The following ORC5 variants were observed in gnomAD, a reference collection of about 807,000 sequenced individuals.
The protein encoded by ORC5 is protein phosphatase 1, regulatory subunit 117.
ORC5 carries 39 observed loss-of-function variants against 58.8 expected under a neutral mutation model. The observed-to-expected ratio is 0.66, with a 90% CI of 0.51 to 0.87. The LOEUF (loss-of-function observed/expected upper bound fraction) is 0.87. ORC5 is among the 40% of genes least tolerant of loss of function. The probability of loss-of-function intolerance (pLI) is 0.00; values close to 1 mark genes in which losing one functional copy is unlikely to be tolerated. For missense variants in ORC5, 493 were observed against 506.3 expected (o/e 0.97, Z 0.25); for synonymous variants, 218 against 177.6 (o/e 1.23, Z -1.81).
chr7:104,193,691 CTTTT>C (rs1425634126), intron 5 of ORC5, among the ~76,000 whole-genome samples: 1 of 148,478 alleles, frequency 6.7e-6, no homozygotes, highest in Admixed American at 6.8e-5. Flanking sequence ...TTCTGAATGG[CTTTT>C]TGTCTGACTA....
At chr7:104,159,942 A>T (rs1798996305) in intron 12 of ORC5, among the ~76,000 whole-genome samples, 1 of 152,196 alleles carries the variant, frequency 6.6e-6, no homozygotes, top group African/African-American at 2.4e-5. Flanking sequence ...TTTCAGACAA[A>T]GCTTTTTTAG....
intron 8 of ORC5, among the ~76,000 whole-genome samples, chr7:104,181,801 A>G (rs1799439014): frequency 6.6e-6 from 1 of 151,598 alleles, no homozygotes; most frequent in African/African-American, 2.4e-5. Flanking sequence ...CAAAAAAAAA[A>G]AAAAAAAGAA....
At position 104,204,220 on chromosome 7, in the gene ORC5, G is replaced by A. The variant is rs746696962; in HGVS notation, c.87C>T (p.Ser29=). The part of the protein sequence containing the change: ...QSLFGERHHF[S]FPSIFIYGHT... ...GTCCATAAATAAAAATGGATGGAAA[G>A]CTGAAATGATGTCTCTAACGAGAGA... The change falls in exon 2 of 14, where the codon AGC becomes AGT. Residue 29 remains serine (S), a synonymous_variant. Transcript: ENST00000297431. The A allele has an allele frequency of 6.3e-7, 1 of 1,594,092 alleles. No individual in the cohort carries two copies. The highest frequency in any genetic ancestry group is 1.1e-5 in the South Asian group (1 of 87,294).
intron 12 of ORC5, among the ~76,000 whole-genome samples, chr7:104,142,302 G>A (rs921572740): frequency 1.3e-5 from 2 of 152,002 alleles, no homozygotes; most frequent in African/African-American, 2.4e-5. Flanking sequence ...GTAAACGTAG[G>A]GAAAAAAACT....
chr7:104,160,884 G>A lies in ORC5; in HGVS notation c.1149+188C>T, dbSNP rs117127116. 3.4e-3 allele frequency among the ~76,000 whole-genome samples: 516 copies of A among 152,190 alleles called. 1 individual carries two copies. The highest frequency in any genetic ancestry group is 0.01 in the Middle Eastern group (3 of 294). Reference sequence around the variant, plus strand: ...CATGAGGTTATACTTGTAAACATATGTAAATTTAGTGATACCCCCAAAGAT... The same window carrying A: ...CATGAGGTTATACTTGTAAACATATATAAATTTAGTGATACCCCCAAAGAT... On this transcript the variant is annotated intron_variant, in intron 12 of 13. Coordinates refer to ENST00000297431, the MANE Select transcript of ORC5 (RefSeq NM_002553.4).
intron 12 of ORC5, among the ~76,000 whole-genome samples, chr7:104,149,611 A>C (rs1385560751): frequency 6.6e-6 from 1 of 152,174 alleles, no homozygotes; most frequent in African/African-American, 2.4e-5. Context: ...CATGTTTTCC[A>C]CTGATGTTTT....
chr7:104,151,668 C>T (rs79908940), intron 12 of ORC5, among the ~76,000 whole-genome samples: 1 of 152,222 alleles, frequency 6.6e-6, no homozygotes, highest in Admixed American at 6.5e-5. Flanking sequence ...ACACCAGTGT[C>T]TGACATATAT....
chr7:104,126,961 G>T, intron 13 of ORC5, 68 bp from the exon 14 acceptor site: 1 of 1,104,584 alleles, frequency 9.1e-7, no homozygotes, highest in East Asian at 2.5e-5. Flanking sequence ...TATGATTCTG[G>T]AAAGCACATG....
rs746698932 is a variant in ORC5 at position 104,173,838 on chromosome 7, A to ATTT, written c.825-5316_825-5314dup. Among the ~76,000 whole-genome samples, 790 of 122,588 alleles carry ATTT rather than the reference A, an allele frequency of 6.4e-3. 41 individuals are homozygous for ATTT. The highest frequency in any genetic ancestry group is 0.043 in the East Asian group (189 of 4,414). The allele number at this position is 122,588 out of a possible 152,430, so 80.4% of individuals were successfully genotyped here. ...TTTAATCTGCATACCTGGGTTTAAAATTTTTTCTTTTTTTTTTTTTTTTTG... is the reference window on the plus strand; with the variant it reads ...TTTAATCTGCATACCTGGGTTTAAAATTTTTTTTTCTTTTTTTTTTTTTTTTTG... On this transcript the variant is annotated intron_variant, in intron 8 of 13. Transcript: ENST00000297431.
intron 3 of ORC5, among the ~76,000 whole-genome samples, chr7:104,198,912 T>C (rs1226554726): frequency 2.0e-5 from 3 of 152,194 alleles, no homozygotes; most frequent in African/African-American, 7.2e-5. Flanking sequence ...GCATCCCCAC[T>C]CATGGCTAAA....
intron 4 of ORC5, among the ~76,000 whole-genome samples, chr7:104,196,872 C>A (rs1799811537): frequency 6.6e-6 from 1 of 152,030 alleles, no homozygotes; most frequent in Non-Finnish European, 1.5e-5. Context: ...CAAACTAAAT[C>A]TTTATTCCCT....
chr7:104,191,393 CAACA>C (rs1160253410), intron 5 of ORC5, among the ~76,000 whole-genome samples: 2 of 151,898 alleles, frequency 1.3e-5, no homozygotes, highest in Non-Finnish European at 2.9e-5. Context: ...ACAACAACAA[CAACA>C]AACTTCTATA....
chr7:104,164,561 C>T (rs760626022), intron 11 of ORC5, among the ~76,000 whole-genome samples: 4 of 152,164 alleles, frequency 2.6e-5, no homozygotes, highest in Non-Finnish European at 4.4e-5. Context: ...ATAAGGGAAA[C>T]AAAACTTGCA....
chr7:104,200,618 T>C (rs1799915175), intron 3 of ORC5, 140 bp downstream of exon 3: 1 of 617,096 alleles, frequency 1.6e-6, no homozygotes, highest in Non-Finnish European at 2.9e-6. Flanking sequence ...AAGGAATATA[T>C]TTAATACATT....
rs36119974 is a variant in ORC5, at chr7:104,136,318, C to A, written c.1262+463G>T. The stretch of plus-strand genomic sequence containing the variant: ...TGAAAACTCTAAACACAGCACAGCA[C>A]ACTAGATTTGATCTGCCTGTGACAA... On this transcript the variant is annotated intron_variant, in intron 13 of 13. Coordinates refer to ENST00000297431, the MANE Select transcript of ORC5 (RefSeq NM_002553.4). The surrounding 1 kb of genome is among the most constrained non-coding windows in gnomAD (Gnocchi z 4.2). Among the ~76,000 whole-genome samples the A allele has an allele frequency of 0.051, 7,818 of 152,018 alleles. 261 individuals carry two copies. The highest frequency in any genetic ancestry group is 0.077 in the Non-Finnish European group (5,211 of 67,980).
At position 104,188,313 on chromosome 7, in the gene ORC5, T is replaced by C. The variant is rs768281861; in HGVS notation, c.622A>G (p.Ile208Val). The change falls in exon 6 of 14, where the codon ATT becomes GTT. Residue 208 changes from isoleucine to valine, a missense_variant. Coordinates refer to ENST00000297431, the MANE Select transcript of ORC5 (RefSeq NM_002553.4). The part of the protein sequence containing the change: ...EYSADFYAAY[I>V]NILLGVFYTV... ...TAGAAAACTCCAAGAAGAATGTTAA[T>C]GTAGGCAGCATAGAAATCAGCTGAA... The C allele has an allele frequency of 6.2e-6, 10 of 1,612,906 alleles. No homozygotes were observed. Among genetic ancestry groups the C allele is most frequent in the Admixed American group, 3.3e-5 (2 of 59,978 alleles).
At chr7:104,169,059 GC>G (rs1799160739) in intron 8 of ORC5, among the ~76,000 whole-genome samples, 1 of 152,110 alleles carries the variant, frequency 6.6e-6, no homozygotes, top group Non-Finnish European at 1.5e-5. Flanking sequence ...TCCAGCCTGG[GC>G]GAGAGTGAGC....
intron 9 of ORC5, among the ~76,000 whole-genome samples, chr7:104,167,841 C>T (rs1026378347): frequency 3.3e-5 from 5 of 152,260 alleles, no homozygotes; most frequent in Middle Eastern, 6.8e-3. Context: ...TGGCATCTAT[C>T]CCTTTTCCTA....
intron 5 of ORC5, among the ~76,000 whole-genome samples, chr7:104,191,866 C>T (rs1444592288): frequency 6.6e-6 from 1 of 152,110 alleles, no homozygotes; most frequent in East Asian, 1.9e-4. Context: ...AAAGCCATTC[C>T]TACCTTGGAG....
Sources: allele counts gnomAD v4.1 joint callset (sites outside exome capture counted in the v4.1 genomes callset), GRCh38; gene constraint gnomAD v4.1.1; non-coding constraint Gnocchi (gnomAD v3.1); transcripts MANE v1.5; gene names NCBI Gene and HGNC (gene_info 2026-07-23, HGNC 2026-07-21).